Variants in HS2ST1 observed in about 807,000 individuals in gnomAD.
The protein encoded by HS2ST1 is heparan sulfate 2-O-sulfotransferase 1.
A neutral mutation model predicts 42.9 loss-of-function variants in HS2ST1; 18 were observed. The ratio of observed to expected loss-of-function variants is 0.42; its 90% CI spans 0.29 to 0.62. HS2ST1 has a LOEUF of 0.62. HS2ST1 is among the 20% of genes least tolerant of loss of function. The pLI is 0.21. For synonymous variants in HS2ST1, 146 were observed against 152.9 expected (o/e 0.95, Z 0.33); for missense variants, 334 against 433.8 (o/e 0.77, Z 2.04).
At chr1:87,071,610 T>C (rs1033709718) in intron 1 of HS2ST1, among the ~76,000 whole-genome samples, 1 of 151,144 alleles carries the variant, frequency 6.6e-6, no homozygotes, top group Non-Finnish European at 1.5e-5. Context: ...GTGCCTGTAA[T>C]CCCAGCTACT....
chr1:87,011,740 A>G (rs1172625869), intron 1 of HS2ST1, among the ~76,000 whole-genome samples: 4 of 152,244 alleles, frequency 2.6e-5, no homozygotes, highest in African/African-American at 4.8e-5. Flanking sequence ...CTATTAGGGT[A>G]GGCAAGAATT....
chr1:87,005,756 G>T (rs1046587602), intron 1 of HS2ST1, among the ~76,000 whole-genome samples: 17 of 152,198 alleles, frequency 1.1e-4, no homozygotes, highest in African/African-American at 3.9e-4. Context: ...GCCAATCCTT[G>T]TTCTCCTCAG....
At chr1:87,010,512 C>G (rs779476195) in intron 1 of HS2ST1, among the ~76,000 whole-genome samples, 4 of 151,968 alleles carry the variant, frequency 2.6e-5, no homozygotes, top group Non-Finnish European at 4.4e-5. Context: ...ATTATTCCCT[C>G]CTTGTTTTTT....
At chr1:86,957,793 A>AT (rs34769860) in intron 1 of HS2ST1, among the ~76,000 whole-genome samples, 3,297 of 136,454 alleles carry the variant, frequency 0.024, 56 homozygotes, top group African/African-American at 0.045. Flanking sequence ...GTTTTTTTAG[A>AT]TTTTTTTTTT....
intron 4 of HS2ST1, among the ~76,000 whole-genome samples, chr1:87,093,531 G>A (rs1390578735): frequency 2.0e-5 from 3 of 152,020 alleles, no homozygotes; most frequent in African/African-American, 4.8e-5. Flanking sequence ...GGCTCCCAGA[G>A]CACTTCATTC....
chr1:87,090,841 T>C (rs1408429226), intron 3 of HS2ST1, among the ~76,000 whole-genome samples: 2 of 152,006 alleles, frequency 1.3e-5, no homozygotes, highest in African/African-American at 2.4e-5. Context: ...TCAAAACACC[T>C]GGCACTTAGC....
intron 1 of HS2ST1, among the ~76,000 whole-genome samples, chr1:86,954,592 C>T (rs1023699604): frequency 6.6e-6 from 1 of 152,048 alleles, no homozygotes; most frequent in Admixed American, 6.5e-5. Flanking sequence ...TTTATTTGAA[C>T]CATTAATGCC....
chr1:87,045,356 T>G, intron 1 of HS2ST1: 1 of 1,339,818 alleles, frequency 7.5e-7, no homozygotes, highest in South Asian at 1.2e-5. Flanking sequence ...ATTATTAGCT[T>G]CTGTCTCTCC....
chr1:86,986,039 CTTTT>C (rs11377612), intron 1 of HS2ST1, among the ~76,000 whole-genome samples: 1 of 133,834 alleles, frequency 7.5e-6, no homozygotes, highest in Non-Finnish European at 1.6e-5. Flanking sequence ...AGCTTGGCCT[CTTTT>C]TTTTTTTTTT....
intron 1 of HS2ST1, among the ~76,000 whole-genome samples, chr1:87,020,199 C>A (rs1649900040): frequency 1.3e-5 from 2 of 152,138 alleles, no homozygotes; most frequent in African/African-American, 4.8e-5. Context: ...GGAACTCTGG[C>A]CATTTCAAAT....
chr1:86,945,018 T>TA (rs1233852596), intron 1 of HS2ST1, among the ~76,000 whole-genome samples: 1 of 152,148 alleles, frequency 6.6e-6, no homozygotes, highest in Non-Finnish European at 1.5e-5. Flanking sequence ...TATTATCTCT[T>TA]ATATCCCTCT....
chr1:86,963,350 T>TG (rs959241457), intron 1 of HS2ST1, among the ~76,000 whole-genome samples: 13 of 151,974 alleles, frequency 8.6e-5, no homozygotes, highest in African/African-American at 2.9e-4. Flanking sequence ...GATTAGGGAG[T>TG]GGTGATGACT....
intron 1 of HS2ST1, among the ~76,000 whole-genome samples, chr1:86,921,890 T>C (rs1660307667): frequency 6.6e-6 from 1 of 152,214 alleles, no homozygotes; most frequent in Admixed American, 6.5e-5. Context: ...TCCCATCCTG[T>C]TAATATTAAC....
chr1:87,036,969 T>C (rs944539215), intron 1 of HS2ST1, among the ~76,000 whole-genome samples: 23 of 152,180 alleles, frequency 1.5e-4, no homozygotes, highest in Admixed American at 2.6e-4. Context: ...CATATATCAC[T>C]ACATTTCCCA....
At chr1:87,066,409 A>G (rs1265804807) in intron 1 of HS2ST1, among the ~76,000 whole-genome samples, 1 of 152,120 alleles carries the variant, frequency 6.6e-6, no homozygotes, top group South Asian at 2.1e-4. Context: ...TCTGTAGGCT[A>G]TACATTTCAT....
intron 1 of HS2ST1, among the ~76,000 whole-genome samples, chr1:86,961,176 C>T (rs544069345): frequency 6.6e-6 from 1 of 151,068 alleles, no homozygotes; most frequent in Non-Finnish European, 1.5e-5. Context: ...ATTGAGGTTA[C>T]AGTGAGCTAT....
At chr1:86,985,481 T>C (rs1161783251) in intron 1 of HS2ST1, among the ~76,000 whole-genome samples, 2 of 114,300 alleles carry the variant, frequency 1.7e-5, no homozygotes, top group African/African-American at 6.3e-5. Flanking sequence ...TATACACATA[T>C]ATACACATAT....
intron 5 of HS2ST1, among the ~76,000 whole-genome samples, chr1:87,101,680 A>T (rs1036789258): frequency 6.6e-6 from 1 of 152,150 alleles, no homozygotes; most frequent in African/African-American, 2.4e-5. Context: ...AGAAATTTCA[A>T]AGTTTCCCTC....
chr1:86,988,025 G>A (rs1029813530), intron 1 of HS2ST1, among the ~76,000 whole-genome samples: 1 of 152,194 alleles, frequency 6.6e-6, no homozygotes, highest in Non-Finnish European at 1.5e-5. Context: ...CCAAATAAAG[G>A]TTGCTGGTCT....
Sources: allele counts gnomAD v4.1 joint callset (sites outside exome capture counted in the v4.1 genomes callset), GRCh38; gene constraint gnomAD v4.1.1; transcripts MANE v1.5; gene names NCBI Gene and HGNC (gene_info 2026-07-23, HGNC 2026-07-21).